Variants in NRXN1 observed in about 807,000 individuals in gnomAD.
NRXN1 encodes neurexin 1, also known as neurexin-1.
Under a neutral mutation model 150.9 loss-of-function variants are expected in NRXN1, and 39 were observed. The ratio of observed to expected loss-of-function variants is 0.26; its 90% CI spans 0.20 to 0.34. The LOEUF (loss-of-function observed/expected upper bound fraction) is 0.34, where lower values mean the gene tolerates loss of function less well. Ranked by LOEUF, NRXN1 falls within the 10% of genes least tolerant of loss-of-function variation. The pLI, the probability that NRXN1 is intolerant of heterozygous loss-of-function variation, is 1.00. For missense variants in NRXN1, 1,815 were observed against 1,949.9 expected (o/e 0.93, Z 1.30); for synonymous variants, 924 against 757.0 (o/e 1.22, Z -3.62).
At chr2:50,120,117 T>C (rs1482973378) in intron 18 of NRXN1, among the ~76,000 whole-genome samples, 2 of 151,698 alleles carry the variant, frequency 1.3e-5, no homozygotes, top group Non-Finnish European at 2.9e-5. Flanking sequence ...GGCAATTTAA[T>C]ATTATACTTG....
At chr2:50,012,064 T>C (rs1685762374) in intron 21 of NRXN1, among the ~76,000 whole-genome samples, 1 of 152,100 alleles carries the variant, frequency 6.6e-6, no homozygotes, top group Admixed American at 6.6e-5. Flanking sequence ...GTTAGCATTT[T>C]TCTATCTTAA....
intron 5 of NRXN1, among the ~76,000 whole-genome samples, chr2:50,822,238 T>C (rs543641959): frequency 2.0e-5 from 3 of 152,274 alleles, no homozygotes; most frequent in South Asian, 2.1e-4. Flanking sequence ...AAAATAAATA[T>C]AGCTTTCCGT....
At chr2:50,129,235 G>A in intron 18 of NRXN1, among the ~76,000 whole-genome samples, 1 of 151,946 alleles carries the variant, frequency 6.6e-6, no homozygotes, top group East Asian at 1.9e-4. Context: ...TGCAAAACTG[G>A]AGGAACGCAA....
intron 17 of NRXN1, among the ~76,000 whole-genome samples, chr2:50,420,714 C>T (rs1014305506): frequency 1.3e-5 from 2 of 151,926 alleles, no homozygotes; most frequent in African/African-American, 4.8e-5. Flanking sequence ...TCTGGTTGTT[C>T]GTAATTTCCT....
intron 5 of NRXN1, among the ~76,000 whole-genome samples, chr2:50,718,192 C>T (rs1290189256): frequency 1.3e-5 from 2 of 152,098 alleles, no homozygotes; most frequent in African/African-American, 4.8e-5. Flanking sequence ...AAAATAGGTT[C>T]CTCTCTTTGG....
chr2:50,318,575 T>G (rs527471876), intron 17 of NRXN1, among the ~76,000 whole-genome samples: 18 of 152,132 alleles, frequency 1.2e-4, no homozygotes, highest in African/African-American at 3.9e-4. Context: ...TTGTGATTTT[T>G]TTTCACTCAG....
intron 18 of NRXN1, among the ~76,000 whole-genome samples, chr2:50,180,736 A>G (rs1050968703): frequency 2.6e-4 from 39 of 152,160 alleles, no homozygotes; most frequent in Admixed American, 2.0e-4. Context: ...CTCTAGACCC[A>G]TGAGGAAAAT....
At chr2:50,071,487 A>C (rs760376726) in intron 19 of NRXN1, among the ~76,000 whole-genome samples, 2 of 152,214 alleles carry the variant, frequency 1.3e-5, no homozygotes, top group East Asian at 3.9e-4. Context: ...GACTGGACAC[A>C]CAAAGAGACA....
intron 17 of NRXN1, among the ~76,000 whole-genome samples, chr2:50,319,902 C>T (rs766925963): frequency 1.4e-4 from 21 of 152,188 alleles, no homozygotes; most frequent in Middle Eastern, 3.4e-3. Context: ...TCCTCCAGTT[C>T]TAACTCAAGT....
intron 19 of NRXN1, among the ~76,000 whole-genome samples, chr2:50,077,238 G>T (rs1378657022): frequency 6.6e-6 from 1 of 152,134 alleles, no homozygotes; most frequent in Non-Finnish European, 1.5e-5. Context: ...CTTACAAATA[G>T]GCAGGAATTT....
chr2:50,208,547 T>G (rs2062780781), intron 18 of NRXN1, among the ~76,000 whole-genome samples: 3 of 152,086 alleles, frequency 2.0e-5, no homozygotes. Context: ...TGCTATTTGC[T>G]CCATTTCTCG....
chr2:50,852,550 A>G (rs141888223), intron 5 of NRXN1, among the ~76,000 whole-genome samples: 19 of 152,254 alleles, frequency 1.2e-4, no homozygotes, highest in Non-Finnish European at 5.9e-5. Flanking sequence ...ATCTTTAACA[A>G]CTGAATTACT....
chr2:50,209,578 C>T (rs17461653), intron 18 of NRXN1, among the ~76,000 whole-genome samples: 8,612 of 152,156 alleles, frequency 0.057, 293 homozygotes, highest in Middle Eastern at 0.11. Context: ...CTACCATATC[C>T]ATGGCATAGG....
intron 12 of NRXN1, among the ~76,000 whole-genome samples, chr2:50,510,485 C>CAAAAAAA (rs540578029): frequency 2.8e-4 from 11 of 39,700 alleles, no homozygotes; most frequent in African/African-American, 4.0e-4. Flanking sequence ...GACTCCATCT[C>CAAAAAAA]AAAAAAAAAA....
intron 5 of NRXN1, among the ~76,000 whole-genome samples, chr2:50,814,363 T>A (rs4971699): frequency 0.094 from 14,251 of 152,202 alleles, 772 homozygotes; most frequent in Admixed American, 0.13. Flanking sequence ...GAAAAATATC[T>A]AGTCCTTCAC....
chr2:50,064,317 CA>C (rs1275592886), intron 19 of NRXN1, among the ~76,000 whole-genome samples: 1 of 151,894 alleles, frequency 6.6e-6, no homozygotes, highest in Non-Finnish European at 1.5e-5. Flanking sequence ...CACAATAGGA[CA>C]AATCTTTTAA....
chr2:50,454,210 C>T (rs35153288), intron 17 of NRXN1, among the ~76,000 whole-genome samples: 23,784 of 152,074 alleles, frequency 0.16, 2,904 homozygotes, highest in East Asian at 0.52. Flanking sequence ...CCTGTAATCT[C>T]AGCTCCTTGG....
intron 17 of NRXN1, among the ~76,000 whole-genome samples, chr2:50,313,113 A>AT (rs1473079920): frequency 6.6e-6 from 1 of 152,086 alleles, no homozygotes; most frequent in African/African-American, 2.4e-5. Context: ...TAGGTCAGGA[A>AT]TTTTTTTCTG....
At chr2:50,130,611 T>A (rs888955817) in intron 18 of NRXN1, among the ~76,000 whole-genome samples, 1 of 152,164 alleles carries the variant, frequency 6.6e-6, no homozygotes, top group Admixed American at 6.5e-5. Flanking sequence ...AAGAAAAACA[T>A]GCAAACAAAC....
Sources: gnomAD v4.1 joint callset for allele counts (sites outside exome capture counted in the v4.1 genomes callset) on GRCh38, gnomAD v4.1.1 for gene constraint, MANE v1.5 for transcripts, NCBI Gene and HGNC (gene_info 2026-07-23, HGNC 2026-07-21) for gene names.